Variants in ANK3 observed in about 807,000 individuals in gnomAD.
ANK3 encodes ankyrin 3.
In ANK3, 57 loss-of-function variants were observed where a neutral mutation model predicts 370.9. That is an observed-to-expected ratio of 0.15 (90% CI 0.12 to 0.19). The LOEUF (loss-of-function observed/expected upper bound fraction) is 0.19. Among genes scored for constraint, ANK3 ranks in the 10% least tolerant of loss-of-function variants. The pLI is 1.00. For missense variants in ANK3, 4,439 were observed against 5,302.1 expected (o/e 0.84, Z 5.06); for synonymous variants, 1,929 against 1,946.3 (o/e 0.99, Z 0.23).
chr10:60,204,876 T>G (rs2096737742), intron 11 of ANK3, among the ~76,000 whole-genome samples: 1 of 152,074 alleles, frequency 6.6e-6, no homozygotes, highest in Admixed American at 6.6e-5. Context: ...GAGCGGGGGT[T>G]TCCTGAAGAA....
Position 60,072,625 on chromosome 10 carries a change from C to A in ANK3, c.8256G>T (p.Gln2752His). 6.2e-7 allele frequency: 1 copy of A among 1,614,040 alleles called. No individual in the cohort carries two copies. Among genetic ancestry groups the A allele is most frequent in the Non-Finnish European group, 8.5e-7 (1 of 1,179,994 alleles). Residue 2752 changes from glutamine (Q) to histidine (H), a missense_variant, in exon 37 of 44, where the codon CAG (glutamine) becomes CAT (histidine). Physicochemically the swap from Gln to His is conservative, Grantham distance 24. Coordinates refer to ENST00000280772, the MANE Select transcript of ANK3 (RefSeq NM_020987.5). ...GQSRIPVKKI[Q>H]ESKLPVYQVF... ...CTTGGTAGACGGGTAGCTTGCTCTC[C>A]TGTATTTTTTTAACTGGGATTCTGG... is the stretch of plus-strand genomic sequence containing the variant.
rs537972555 is a variant in ANK3, at chr10:60,732,317, T to C, written c.57+946A>G. Among the ~76,000 whole-genome samples, 4 of 152,320 alleles carry C rather than the reference T, an allele frequency of 2.6e-5. No homozygotes were observed. In the East Asian group the frequency reaches 7.7e-4, roughly 29 times the overall value. ...CAGGAACCTTTCCCTAGCCATTCTA[T>C]GCAAATGCAAACATAAGCGAGTGTT... is the stretch of plus-strand genomic sequence containing the variant. On this transcript the variant is annotated intron_variant, in intron 1 of 43. Coordinates refer to the ANK3 transcript ENST00000373827.
At chr10:60,589,943 T>C (rs765625617) in intron 2 of ANK3, among the ~76,000 whole-genome samples, 1 of 152,220 alleles carries the variant, frequency 6.6e-6, no homozygotes, top group Non-Finnish European at 1.5e-5. Context: ...AATTGTTTGC[T>C]GCTACTTGGA....
intron 1 of ANK3, among the ~76,000 whole-genome samples, chr10:60,312,307 TCTC>T (rs2046517850): frequency 6.6e-6 from 1 of 152,112 alleles, no homozygotes; most frequent in Non-Finnish European, 1.5e-5. Context: ...AAATAATAAA[TCTC>T]CTTATCCACA....
intron 7 of ANK3, among the ~76,000 whole-genome samples, chr10:60,248,020 C>CT (rs1264755855): frequency 6.6e-6 from 1 of 152,176 alleles, no homozygotes; most frequent in African/African-American, 2.4e-5. Context: ...AATTTCCTCC[C>CT]TTTTTAAGGC....
In ANK3 at chr10:60,636,741, C is replaced by T. The variant is rs574044286; in HGVS notation, c.58-21517G>A. Among the ~76,000 whole-genome samples the T allele has an allele frequency of 3.3e-5, 5 of 152,288 alleles. No individual in the cohort carries two copies. The East Asian group carries it at 7.7e-4, about 23-fold the overall frequency. On this transcript the variant is annotated intron_variant, in intron 1 of 43. Coordinates refer to the ANK3 transcript ENST00000373827. ...AACAGACAAGGCATCAACCTACTCT[C>T]CTAAAAAACAAGCAACAAAAAAGAG...
chr10:60,244,930 G>A (rs781145159), intron 7 of ANK3, among the ~76,000 whole-genome samples: 1 of 152,192 alleles, frequency 6.6e-6, no homozygotes, highest in Non-Finnish European at 1.5e-5. Flanking sequence ...AGCACTTTGG[G>A]AGGCCGAGGC....
intron 1 of ANK3, among the ~76,000 whole-genome samples, chr10:60,686,130 T>A (rs1021147349): frequency 1.2e-4 from 18 of 152,142 alleles, no homozygotes; most frequent in African/African-American, 4.3e-4. Context: ...TAAGTGTGTA[T>A]GGAGGTCACT....
chr10:60,300,213 T>C lies in ANK3; in HGVS notation c.115-20574A>G. On this transcript the variant is annotated intron_variant, in intron 1 of 43. Coordinates refer to ENST00000280772, the MANE Select transcript of ANK3 (RefSeq NM_020987.5). The stretch of plus-strand genomic sequence containing the variant: ...GATCCGTAGTGCAAACAGGTTAATT[T>C]GCTTCCTACCCAGCAACAAACATTT... 9 of 576,424 alleles carry C rather than the reference T, an allele frequency of 1.6e-5. 1 individual carries two copies. The highest frequency in any genetic ancestry group is 1.4e-4 in the South Asian group (9 of 66,180). 35.7% of individuals were successfully genotyped at this position (576,424 alleles called of 1,614,324 possible).
intron 2 of ANK3, among the ~76,000 whole-genome samples, chr10:60,518,772 G>A (rs2076282798): frequency 6.6e-6 from 1 of 150,460 alleles, no homozygotes; most frequent in Admixed American, 6.8e-5. Flanking sequence ...AGACTACCAA[G>A]GGCTTGAATA....
intron 2 of ANK3, among the ~76,000 whole-genome samples, chr10:60,599,982 C>T (rs1402593805): frequency 6.6e-6 from 1 of 152,144 alleles, no homozygotes; most frequent in African/African-American, 2.4e-5. Context: ...GTACCAAGGT[C>T]CATATTAAAT....
chr10:60,674,349 C>A (rs1055970741), intron 1 of ANK3, among the ~76,000 whole-genome samples: 5 of 152,156 alleles, frequency 3.3e-5, no homozygotes, highest in African/African-American at 1.2e-4. Flanking sequence ...GTGCCAGCAT[C>A]TGCTTCTGGT....
intron 1 of ANK3, among the ~76,000 whole-genome samples, chr10:60,306,435 ATATATATATATATATATATC>A (rs1454149323): frequency 1.6e-5 from 1 of 61,646 alleles, no homozygotes; most frequent in African/African-American, 5.0e-5. Context: ...GTGCATATAT[ATATATATATATATATATATC>A]TATCTTTATC....
intron 8 of ANK3, among the ~76,000 whole-genome samples, chr10:60,218,859 T>C (rs908369904): frequency 6.6e-6 from 1 of 152,116 alleles, no homozygotes; most frequent in African/African-American, 2.4e-5. Flanking sequence ...TTCTCCTGGA[T>C]AATATCCTGA....
At chr10:60,045,509 T>A (rs1229882885) in intron 42 of ANK3, among the ~76,000 whole-genome samples, 1 of 152,218 alleles carries the variant, frequency 6.6e-6, no homozygotes, top group African/African-American at 2.4e-5. Flanking sequence ...TGTGTTTAAC[T>A]TAAGATTTGT....
chr10:60,226,818 T>C (rs1186260186), intron 8 of ANK3, among the ~76,000 whole-genome samples: 1 of 148,622 alleles, frequency 6.7e-6, no homozygotes, highest in African/African-American at 2.5e-5. Context: ...TCTGCCATAT[T>C]ATAATTATAT....
At chr10:60,497,307 C>G (rs548342418) in intron 2 of ANK3, among the ~76,000 whole-genome samples, 1 of 152,106 alleles carries the variant, frequency 6.6e-6, no homozygotes, top group South Asian at 2.1e-4. Flanking sequence ...AAAAAAATGG[C>G]CCAAGTAAGT....
chr10:60,030,746 T>C (rs1344227433), intron 43 of ANK3, among the ~76,000 whole-genome samples: 2 of 152,162 alleles, frequency 1.3e-5, no homozygotes, highest in Non-Finnish European at 2.9e-5. Context: ...CCTGTCTCCT[T>C]GTCAGTCAAG....
At chr10:60,263,217 G>A (rs1313610495) in intron 6 of ANK3, among the ~76,000 whole-genome samples, 1 of 152,172 alleles carries the variant, frequency 6.6e-6, no homozygotes, top group Non-Finnish European at 1.5e-5. Context: ...TGGTGATATG[G>A]ATTGCAGAAA....
Sources: allele counts gnomAD v4.1 joint callset (sites outside exome capture counted in the v4.1 genomes callset), GRCh38; gene constraint gnomAD v4.1.1; transcripts MANE v1.5; gene names NCBI Gene and HGNC (gene_info 2026-07-23, HGNC 2026-07-21).